GNA14: variants seen among roughly 807,000 people sequenced by gnomAD.
GNA14 encodes the protein G protein subunit alpha 14.
A neutral mutation model predicts 42.0 loss-of-function variants in GNA14; 50 were observed. The ratio of observed to expected loss-of-function variants is 1.19; its 90% CI spans 0.95 to 1.51. The LOEUF (loss-of-function observed/expected upper bound fraction) is 1.51, where lower values mean the gene tolerates loss of function less well. GNA14 is among the 40% of genes most tolerant of loss of function. GNA14 has a pLI of 0.00. For synonymous variants in GNA14, 173 were observed against 163.1 expected (o/e 1.06, Z -0.46); for missense variants, 473 against 446.2 (o/e 1.06, Z -0.54).
chr9:77,469,161 C>T (rs1476316282), intron 2 of GNA14, among the ~76,000 whole-genome samples: 3 of 151,986 alleles, frequency 2.0e-5, no homozygotes, highest in Admixed American at 6.6e-5. Context: ...GCTCTCACCC[C>T]CATAAGTACT....
chr9:77,618,837 T>G (rs537879497), intron 1 of GNA14, among the ~76,000 whole-genome samples: 16 of 149,052 alleles, frequency 1.1e-4, no homozygotes, highest in Non-Finnish European at 2.1e-4. Context: ...GTTTCACCGT[T>G]TTAGCCGGGA....
chr9:77,446,960 T>C lies in GNA14; in HGVS notation c.310-12438A>G, dbSNP rs568091053. The stretch of plus-strand genomic sequence containing the variant: ...TGGCTACAAGTTTTGGTGCAGTTCA[T>C]GTACAATTTTTTTTTTTTTTTGAGA... On this transcript the variant is annotated intron_variant, in intron 2 of 6. Coordinates refer to ENST00000341700, the MANE Select transcript of GNA14 (RefSeq NM_004297.4). Among the ~76,000 whole-genome samples the C allele has an allele frequency of 8.0e-5, 12 of 149,294 alleles. No individual in the cohort carries two copies. In the East Asian group the frequency reaches 2.5e-3, roughly 31 times the overall value.
At chr9:77,451,141 C>G (rs567156589) in intron 2 of GNA14, among the ~76,000 whole-genome samples, 2 of 152,208 alleles carry the variant, frequency 1.3e-5, no homozygotes, top group Non-Finnish European at 2.9e-5. Flanking sequence ...GTGTGTCAGA[C>G]TAGCTTCCTT....
intron 2 of GNA14, among the ~76,000 whole-genome samples, chr9:77,524,829 C>A (rs954360166): frequency 6.6e-6 from 1 of 152,034 alleles, no homozygotes; most frequent in African/African-American, 2.4e-5. Context: ...GATTTTTGAA[C>A]CTGCCCCAAT....
chr9:77,563,263 A>G (rs1204720443), intron 1 of GNA14, among the ~76,000 whole-genome samples: 1 of 152,200 alleles, frequency 6.6e-6, no homozygotes, highest in African/African-American at 2.4e-5. Context: ...GCTGTATATT[A>G]TCATTAGGAG....
intron 2 of GNA14, among the ~76,000 whole-genome samples, chr9:77,485,361 C>T (rs1457725354): frequency 6.6e-6 from 1 of 152,190 alleles, no homozygotes; most frequent in Non-Finnish European, 1.5e-5. Flanking sequence ...TCAGGCTCCA[C>T]TTCTAATTCC....
At chr9:77,621,315 G>C (rs1823918066) in intron 1 of GNA14, among the ~76,000 whole-genome samples, 1 of 152,094 alleles carries the variant, frequency 6.6e-6, no homozygotes, top group South Asian at 2.1e-4. Flanking sequence ...ATAAATTTTT[G>C]GTCATTTTCT....
rs570001328 is a variant in GNA14, at chr9:77,509,772, G to A, written c.309+19297C>T. Among the ~76,000 whole-genome samples, 50 of 152,118 alleles carry A rather than the reference G, an allele frequency of 3.3e-4. 2 individuals carry two copies. The highest frequency in any genetic ancestry group is 3.4e-3 in the Middle Eastern group (1 of 294). On this transcript the variant is annotated intron_variant, in intron 2 of 6. Transcript: ENST00000341700. The stretch of plus-strand genomic sequence containing the variant: ...GTAATCGCGGTTTTTGTCATTGAAA[G>A]TAATGACAAAAACGGCAATTACTTT...
chr9:77,581,327 G>T (rs1410497476), intron 1 of GNA14, among the ~76,000 whole-genome samples: 2 of 152,206 alleles, frequency 1.3e-5, no homozygotes, highest in African/African-American at 4.8e-5. Context: ...TGACAGCATA[G>T]AGTCCATAGC....
intron 1 of GNA14, among the ~76,000 whole-genome samples, chr9:77,572,886 T>G (rs997003681): frequency 6.6e-6 from 1 of 152,186 alleles, no homozygotes; most frequent in Non-Finnish European, 1.5e-5. Flanking sequence ...TGTGGCTTCA[T>G]GGAGATAATA....
intron 2 of GNA14, among the ~76,000 whole-genome samples, chr9:77,504,484 G>A (rs1837029584): frequency 6.6e-6 from 1 of 150,718 alleles, no homozygotes; most frequent in Admixed American, 6.6e-5. Context: ...CCAGTTATCA[G>A]CCTGTTCCTC....
chr9:77,482,806 C>T (rs1035720561), intron 2 of GNA14, among the ~76,000 whole-genome samples: 2 of 152,154 alleles, frequency 1.3e-5, no homozygotes, highest in Non-Finnish European at 2.9e-5. Context: ...TCATTCATTT[C>T]GTCTTCCATC....
intron 2 of GNA14, among the ~76,000 whole-genome samples, chr9:77,496,428 T>C (rs1011385206): frequency 6.6e-6 from 1 of 152,126 alleles, no homozygotes; most frequent in African/African-American, 2.4e-5. Flanking sequence ...AGACTCAAGA[T>C]CCACAAAGTT....
chr9:77,619,957 TG>T (rs898028364), intron 1 of GNA14, among the ~76,000 whole-genome samples: 9 of 152,152 alleles, frequency 5.9e-5, no homozygotes, highest in Non-Finnish European at 8.8e-5. Flanking sequence ...TAAAGCCTCT[TG>T]CTACATAAAA....
intron 2 of GNA14, among the ~76,000 whole-genome samples, chr9:77,462,799 C>G (rs770949122): frequency 7.9e-5 from 12 of 152,056 alleles, no homozygotes; most frequent in Non-Finnish European, 1.6e-4. Flanking sequence ...TCTGTCATCT[C>G]CCTCACCACC....
intron 1 of GNA14, among the ~76,000 whole-genome samples, chr9:77,627,346 C>A (rs1033947935): frequency 2.0e-5 from 3 of 152,072 alleles, no homozygotes; most frequent in African/African-American, 7.2e-5. Flanking sequence ...CTATTCCAAA[C>A]AACAGAAAAA....
intron 1 of GNA14, among the ~76,000 whole-genome samples, chr9:77,599,352 G>A (rs139717209): frequency 2.0e-5 from 3 of 152,316 alleles, no homozygotes; most frequent in Admixed American, 2.0e-4. Context: ...CCACAGAACG[G>A]AGAATTTTTG....
At chr9:77,445,552 GAAAAAAA>G (rs762651584) in intron 2 of GNA14, among the ~76,000 whole-genome samples, 36 of 55,972 alleles carry the variant, frequency 6.4e-4, no homozygotes, top group African/African-American at 9.9e-4. Context: ...TCTCTAAGAA[GAAAAAAA>G]AAAAAAAAAA....
chr9:77,515,300 T>C (rs1454279095), intron 2 of GNA14, among the ~76,000 whole-genome samples: 1 of 152,084 alleles, frequency 6.6e-6, no homozygotes, highest in Non-Finnish European at 1.5e-5. Flanking sequence ...AAGAAAGACG[T>C]GGGCAGGCAA....
Sources: gnomAD v4.1 joint callset for allele counts (sites outside exome capture counted in the v4.1 genomes callset) on GRCh38, gnomAD v4.1.1 for gene constraint, MANE v1.5 for transcripts, NCBI Gene and HGNC (gene_info 2026-07-23, HGNC 2026-07-21) for gene names.